Variants in KDM5B observed in about 807,000 individuals in gnomAD.
KDM5B encodes lysine demethylase 5B, also known as lysine-specific demethylase 5B.
In KDM5B, 144 loss-of-function variants were observed where a neutral mutation model predicts 193.4. The ratio of observed to expected loss-of-function variants is 0.74; its 90% confidence interval spans 0.65 to 0.86. The LOEUF is 0.86. Among genes scored for constraint, KDM5B ranks in the 40% least tolerant of loss-of-function variants. The pLI is 0.00. For missense variants in KDM5B, 1,833 were observed against 1,886.9 expected (o/e 0.97, Z 0.53); for synonymous variants, 668 against 682.6 (o/e 0.98, Z 0.33).
At chr1:202,766,047 T>G (rs568551239) in intron 5 of KDM5B, among the ~76,000 whole-genome samples, 166 of 152,322 alleles carry the variant, frequency 1.1e-3, no homozygotes, top group Non-Finnish European at 2.1e-3. Context: ...TTGTCTTTAT[T>G]AAAAATTTTT....
chr1:202,740,642 T>C (rs755521854), intron 20 of KDM5B, 32 bp downstream of exon 20: 2 of 1,592,304 alleles, frequency 1.3e-6, no homozygotes, highest in African/African-American at 2.7e-5. Context: ...TGGATGCACT[T>C]ACACATTCTG....
intron 4 of KDM5B, among the ~76,000 whole-genome samples, chr1:202,767,756 G>A (rs1368294505): frequency 6.6e-6 from 1 of 152,050 alleles, no homozygotes; most frequent in East Asian, 1.9e-4. Context: ...GACATCATCA[G>A]GTTACAACAG....
At chr1:202,737,459 T>C (rs981100866) in intron 20 of KDM5B, among the ~76,000 whole-genome samples, 15 of 152,150 alleles carry the variant, frequency 9.9e-5, no homozygotes, top group African/African-American at 3.6e-4. Context: ...AGTAAAAGCA[T>C]TAAGGTTATG....
intron 3 of KDM5B, among the ~76,000 whole-genome samples, chr1:202,773,682 A>G (rs1337953217): frequency 6.6e-6 from 1 of 152,144 alleles, no homozygotes; most frequent in East Asian, 1.9e-4. Context: ...TGTTTGATGG[A>G]AAGAATGTAA....
In KDM5B at chr1:202,760,496, G is replaced by A; in HGVS notation, c.996C>T (p.Asp332=). 6.2e-7 allele frequency: 1 copy of A among 1,613,366 alleles called. No individual in the cohort carries two copies. Among genetic ancestry groups the A allele is most frequent in the Non-Finnish European group, 8.5e-7 (1 of 1,179,468 alleles). Residue 332 remains aspartate, a synonymous_variant, in exon 8 of 27, where the codon GAC becomes GAT. Coordinates refer to ENST00000367265, the MANE Select transcript of KDM5B (RefSeq NM_006618.5). ...DRLLLCDGCD[D]SYHTFCLIPP... is the part of the protein sequence containing the mutation. ...GGATCAAGCAAAAGGTATGGTAACT[G>A]TCATCACAGCCATCACACAACAGTA...
rs1052313649 is a variant in KDM5B at position 202,730,836 on chromosome 1, G to A, written c.4176+73C>T. On this transcript the variant is annotated intron_variant, in intron 25 of 26. Transcript: ENST00000367265. ...GTCCTCACACCAGCTGTCTGGTTATGTTTCGAGGAGTAAAATAAAGCATAC... is the reference window on the plus strand; with the variant it reads ...GTCCTCACACCAGCTGTCTGGTTATATTTCGAGGAGTAAAATAAAGCATAC... 7 of 1,434,328 alleles carry A rather than the reference G, an allele frequency of 4.9e-6. No homozygotes were observed. The Admixed American group carries it at 1.6e-4, about 32-fold the overall frequency. 88.9% of individuals were successfully genotyped at this position (1,434,328 alleles called of 1,614,324 possible).
At chr1:202,756,617 T>A (rs1452827028) in intron 9 of KDM5B, 101 bp from the exon 10 acceptor site, 5 of 881,886 alleles carry the variant, frequency 5.7e-6, no homozygotes, top group Non-Finnish European at 8.2e-6. Context: ...TAAGGAAAAA[T>A]TGTGTCTATA....
intron 1 of KDM5B, among the ~76,000 whole-genome samples, chr1:202,778,704 C>T (rs1426230360): frequency 2.0e-5 from 3 of 152,256 alleles, no homozygotes; most frequent in Admixed American, 2.0e-4. Context: ...CTCGCTGCAG[C>T]CTCTGCCTCC....
In KDM5B at chr1:202,728,783, AAC is replaced by A. The variant is rs138976460; in HGVS notation, c.*251_*252del. ...AATTGGTGGGAACCCCTGCAAAAAAAACAGTCAGCTTTTCAAACCTCAACAAC... is the reference window on the plus strand; with the variant it reads ...AATTGGTGGGAACCCCTGCAAAAAAAAGTCAGCTTTTCAAACCTCAACAAC... On this transcript the variant is annotated 3_prime_UTR_variant, in exon 27 of 27. Transcript: ENST00000367265. The A allele has an allele frequency of 0.055, 21,397 of 386,826 alleles. 776 individuals carry two copies. Among genetic ancestry groups the A allele is most frequent in the Non-Finnish European group, 0.074 (15,804 of 213,136 alleles). The allele number at this position is 386,826 out of a possible 1,614,324, so 24.0% of individuals were successfully genotyped here.
At chr1:202,795,773 T>C (rs1441824452) in intron 1 of KDM5B, among the ~76,000 whole-genome samples, 1 of 151,996 alleles carries the variant, frequency 6.6e-6, no homozygotes, top group East Asian at 1.9e-4. Flanking sequence ...TATGATTACA[T>C]AGGGGTCCTA....
chr1:202,746,003 C>T, intron 15 of KDM5B, 21 bp from the exon 16 acceptor site: 1 of 1,613,774 alleles, frequency 6.2e-7, no homozygotes, highest in Non-Finnish European at 8.5e-7. Flanking sequence ...TACCACCACA[C>T]TTAGCTTTGA....
chr1:202,749,941 T>C (rs1317698331), intron 13 of KDM5B, among the ~76,000 whole-genome samples: 3 of 152,194 alleles, frequency 2.0e-5, no homozygotes, highest in African/African-American at 7.2e-5. Context: ...AATACAAATA[T>C]AAAAATTAAA....
intron 1 of KDM5B, among the ~76,000 whole-genome samples, chr1:202,778,471 T>G (rs945537970): frequency 2.6e-5 from 4 of 152,178 alleles, no homozygotes; most frequent in Non-Finnish European, 5.9e-5. Flanking sequence ...TACAGCAATG[T>G]AAATGTACCC....
intron 1 of KDM5B, chr1:202,807,070 C>T (rs2102358455): frequency 6.6e-6 from 1 of 152,534 alleles, no homozygotes; most frequent in Non-Finnish European, 1.5e-5. Flanking sequence ...ACCCCTCACT[C>T]ACTGCCCCCA....
At chr1:202,763,993 T>C (rs1656348524) in intron 6 of KDM5B, 56 bp downstream of exon 6, 1 of 957,734 alleles carries the variant, frequency 1.0e-6, no homozygotes, top group Non-Finnish European at 1.6e-6. Context: ...TACTTATGAA[T>C]AGTTATTTTT....
chr1:202,749,413 C>T (rs1390744394), intron 13 of KDM5B, among the ~76,000 whole-genome samples: 2 of 152,056 alleles, frequency 1.3e-5, no homozygotes, highest in Admixed American at 6.6e-5. Flanking sequence ...AAACATTAGT[C>T]GGGTGTGGCG....
intron 1 of KDM5B, among the ~76,000 whole-genome samples, chr1:202,802,857 AAAG>A (rs1658131064): frequency 6.6e-6 from 1 of 152,270 alleles, no homozygotes; most frequent in East Asian, 1.9e-4. Context: ...AGAAACAGAG[AAAG>A]AATAAAATTA....
chr1:202,785,441 C>T (rs1657369650), intron 1 of KDM5B, among the ~76,000 whole-genome samples: 1 of 151,588 alleles, frequency 6.6e-6, no homozygotes, highest in Admixed American at 6.6e-5. Context: ...TCAAAGAGGA[C>T]AGATTCTCAA....
At chr1:202,762,025 C>T (rs1374506039) in intron 7 of KDM5B, among the ~76,000 whole-genome samples, 1 of 151,918 alleles carries the variant, frequency 6.6e-6, no homozygotes, top group East Asian at 1.9e-4. Context: ...ATTTCTAGTT[C>T]CAAGAAAAAA....
Sources: gnomAD v4.1 joint callset for allele counts (sites outside exome capture counted in the v4.1 genomes callset) on GRCh38, gnomAD v4.1.1 for gene constraint, MANE v1.5 for transcripts, NCBI Gene and HGNC (gene_info 2026-07-23, HGNC 2026-07-21) for gene names.